The following SCAPER variants were observed in gnomAD, a reference collection of about 807,000 sequenced individuals.
The protein encoded by SCAPER is S phase cyclin A-associated protein in the endoplasmic reticulum.
Under a neutral mutation model 182.2 loss-of-function variants are expected in SCAPER, and 98 were observed. That is an observed-to-expected ratio of 0.54 (90% CI 0.46 to 0.64). The LOEUF is 0.64. SCAPER is among the 30% of genes least tolerant of loss of function. SCAPER has a pLI of 0.00. For synonymous variants in SCAPER, 605 were observed against 564.6 expected (o/e 1.07, Z -1.01); for missense variants, 1,432 against 1,690.0 (o/e 0.85, Z 2.68).
At chr15:76,453,111 G>A (rs1478982025) in intron 25 of SCAPER, among the ~76,000 whole-genome samples, 3 of 152,226 alleles carry the variant, frequency 2.0e-5, no homozygotes, top group African/African-American at 7.2e-5. Flanking sequence ...TGGGATTACA[G>A]GTGAGAGCTA....
At chr15:76,824,234 T>C (rs1337583501) in intron 5 of SCAPER, among the ~76,000 whole-genome samples, 1 of 152,226 alleles carries the variant, frequency 6.6e-6, no homozygotes, top group African/African-American at 2.4e-5. Context: ...TTATAGGCAT[T>C]CAGATAACTC....
intron 14 of SCAPER, among the ~76,000 whole-genome samples, chr15:76,757,912 A>C (rs2062549075): frequency 6.6e-6 from 1 of 152,122 alleles, no homozygotes; most frequent in African/African-American, 2.4e-5. Flanking sequence ...TCCTTTTGAG[A>C]AGTGTCTCTT....
chr15:76,747,370 C>T (rs996664213), intron 15 of SCAPER, among the ~76,000 whole-genome samples: 2 of 152,100 alleles, frequency 1.3e-5, no homozygotes, highest in Admixed American at 6.5e-5. Context: ...GGTGTGGTGG[C>T]GTGCACCAGT....
rs747498127 is a variant in SCAPER, at chr15:76,771,915, T to C, written c.1075A>G (p.Ser359Gly). The C allele has an allele frequency of 6.2e-7, 1 of 1,612,276 alleles. No homozygotes were observed. Among genetic ancestry groups the C allele is most frequent in the Non-Finnish European group, 8.5e-7 (1 of 1,179,304 alleles). Residue 359 changes from serine to glycine, a missense_variant, in exon 10 of 32, where the codon AGT (serine) becomes GGT (glycine). Physicochemically the swap from Ser to Gly is moderately conservative, Grantham distance 56. This residue lies in a region of SCAPER where 480 missense variants were observed against 510.2 expected (regional missense o/e 0.94). Transcript: ENST00000563290. ...GTTCGAACATAATTGTCTCGAATACTGCCAGAATTCTTCACATCATCCAAT... is the reference window on the plus strand; with the variant it reads ...GTTCGAACATAATTGTCTCGAATACCGCCAGAATTCTTCACATCATCCAAT... The part of the protein sequence containing the change: ...STLDDVKNSG[S>G]IRDNYVRTSE...
rs1462206864 is a variant in SCAPER at position 76,841,794 on chromosome 15, G to A, written c.333C>T (p.Arg111=). The A allele has an allele frequency of 6.2e-7, 1 of 1,613,864 alleles. No individual in the cohort carries two copies. The highest frequency in any genetic ancestry group is 8.5e-7 in the Non-Finnish European group (1 of 1,179,868). The part of the protein sequence containing the change: ...RYWAFLFDNL[R]RAVDEIYVTC... ...TTACATAGATTTCATCTACTGCTCG[G>A]CGAAGATTATCAAAAAGAAATGCCC... is the stretch of plus-strand genomic sequence containing the variant. Residue 111 remains arginine (R), a synonymous_variant, in exon 5 of 32, where the codon CGC becomes CGT. Coordinates refer to ENST00000563290, the MANE Select transcript of SCAPER (RefSeq NM_020843.4).
intron 20 of SCAPER, among the ~76,000 whole-genome samples, chr15:76,687,910 T>C (rs1181669627): frequency 1.3e-5 from 2 of 152,228 alleles, no homozygotes; most frequent in African/African-American, 4.8e-5. Flanking sequence ...TACATGTACA[T>C]GTGTCTTTAT....
At chr15:76,495,989 GAGAGACACACACACACACACACACAC>G (rs1440654167) in intron 24 of SCAPER, among the ~76,000 whole-genome samples, 6 of 105,466 alleles carry the variant, frequency 5.7e-5, no homozygotes, top group Non-Finnish European at 1.0e-4. Context: ...AAGCAAAAGA[GAGAGACACACACACACACACACACAC>G]ACACACACAC....
intron 15 of SCAPER, among the ~76,000 whole-genome samples, chr15:76,747,629 G>A (rs1333444381): frequency 6.6e-6 from 1 of 152,148 alleles, no homozygotes; most frequent in Non-Finnish European, 1.5e-5. Context: ...CCTCAGGGGA[G>A]AGGGGTGAGT....
At chr15:76,567,466 T>C (rs2047121433) in intron 23 of SCAPER, 2 of 366,764 alleles carry the variant, frequency 5.5e-6, no homozygotes, top group Non-Finnish European at 1.1e-5. Flanking sequence ...GACTGTTTGC[T>C]ACATGGTAGG....
chr15:76,788,636 A>C (rs2064786348), intron 8 of SCAPER, among the ~76,000 whole-genome samples: 1 of 152,210 alleles, frequency 6.6e-6, no homozygotes, highest in Admixed American at 6.5e-5. Context: ...TTTAAAATAA[A>C]TATTATCAGA....
At chr15:76,436,482 C>T (rs1312392647) in intron 25 of SCAPER, among the ~76,000 whole-genome samples, 6 of 151,908 alleles carry the variant, frequency 3.9e-5, no homozygotes, top group Non-Finnish European at 7.4e-5. Context: ...ATTTTCTGGT[C>T]CTATTACTTT....
chr15:76,427,617 G>A (rs969010244), intron 26 of SCAPER, among the ~76,000 whole-genome samples: 4 of 152,036 alleles, frequency 2.6e-5, no homozygotes, highest in Non-Finnish European at 5.9e-5. Flanking sequence ...AGGCTGAGGT[G>A]GGAGGACTGC....
intron 5 of SCAPER, among the ~76,000 whole-genome samples, chr15:76,811,857 A>G (rs2066654112): frequency 6.6e-6 from 1 of 151,916 alleles, no homozygotes. Flanking sequence ...ACAAAAAAGT[A>G]AAAAGGAGGC....
chr15:76,396,322 A>G (rs2044051001), intron 27 of SCAPER, among the ~76,000 whole-genome samples: 1 of 152,026 alleles, frequency 6.6e-6, no homozygotes, highest in South Asian at 2.1e-4. Context: ...TTGTGATTCT[A>G]TATACATTTT....
intron 23 of SCAPER, among the ~76,000 whole-genome samples, chr15:76,521,980 A>G (rs1164410069): frequency 6.6e-6 from 1 of 152,182 alleles, no homozygotes; most frequent in African/African-American, 2.4e-5. Context: ...TCAGAAATGC[A>G]TTATACATTT....
At chr15:76,435,591 A>G (rs550757541) in intron 25 of SCAPER, among the ~76,000 whole-genome samples, 445 of 152,300 alleles carry the variant, frequency 2.9e-3, no homozygotes, top group African/African-American at 0.01. Context: ...TTCTTGGATC[A>G]CATGTCTTCC....
intron 17 of SCAPER, among the ~76,000 whole-genome samples, 186 bp from the exon 18 acceptor site, chr15:76,706,170 AT>A (rs2059253765): frequency 6.6e-6 from 1 of 152,178 alleles, no homozygotes; most frequent in African/African-American, 2.4e-5. Flanking sequence ...AACAATAGAG[AT>A]TATCAGTTAT....
At chr15:76,761,360 T>C (rs916579303) in intron 14 of SCAPER, among the ~76,000 whole-genome samples, 2 of 152,156 alleles carry the variant, frequency 1.3e-5, no homozygotes, top group African/African-American at 4.8e-5. Context: ...TTTCTTTCCA[T>C]ACAGTAACTT....
chr15:76,571,571 G>A (rs1017810926), intron 23 of SCAPER, among the ~76,000 whole-genome samples: 22 of 152,212 alleles, frequency 1.4e-4, no homozygotes, highest in Middle Eastern at 3.4e-3. Context: ...CAGAACTTTA[G>A]AAAAATTATC....
Sources: gnomAD v4.1 joint callset for allele counts (sites outside exome capture counted in the v4.1 genomes callset) on GRCh38, gnomAD v4.1.1 for gene constraint, gnomAD v4.1.1 regional missense constraint, MANE v1.5 for transcripts, NCBI Gene and HGNC (gene_info 2026-07-23, HGNC 2026-07-21) for gene names.